Variants in TSPOAP1 observed in about 807,000 individuals in gnomAD.
TSPOAP1 encodes peripheral-type benzodiazepine receptor-associated protein 1.
In TSPOAP1, 87 loss-of-function variants were observed where a neutral mutation model predicts 197.0. That is an observed-to-expected ratio of 0.44 (90% confidence interval 0.37 to 0.53). The LOEUF is 0.53. TSPOAP1 is among the 20% of genes least tolerant of loss of function. The probability of loss-of-function intolerance (pLI) is 0.00; values close to 1 mark genes in which losing one functional copy is unlikely to be tolerated. For synonymous variants in TSPOAP1, 913 were observed against 998.9 expected, an observed-to-expected ratio of 0.91 and a Z score of 1.62; for missense variants, 2,174 against 2,411.3, an observed-to-expected ratio of 0.90 and a Z score of 2.06.
chr17:58,305,959 G>T, intron 26 of TSPOAP1, 94 bp from the exon 27 acceptor site: 1 of 1,467,896 alleles, frequency 6.8e-7, no homozygotes, highest in East Asian at 2.3e-5. Context: ...CACACACAAG[G>T]AGGCAGGCAA....
rs747579228 is a variant in TSPOAP1, at chr17:58,316,050, T to G, written c.2071A>C (p.Asn691His). 3.1e-6 allele frequency: 5 copies of G among 1,613,970 alleles called. No individual in the cohort carries two copies. The South Asian group carries it at 5.5e-5, about 18-fold the overall frequency. Residue 691 changes from asparagine (N) to histidine (H), a missense_variant, in exon 16 of 32, where the codon AAC becomes CAC. Asn to His is a moderately conservative substitution (Grantham distance 68). Coordinates refer to ENST00000343736, the MANE Select transcript of TSPOAP1 (RefSeq NM_004758.4). ...TCAAAAAAGCCATCCTCATCCATGTTGCCATAGATGTAGATGTACTCGCCA... is the reference window on the plus strand; with the variant it reads ...TCAAAAAAGCCATCCTCATCCATGTGGCCATAGATGTAGATGTACTCGCCA... ...TAGEYIYIYGNMDEDGFFEGE... is the reference protein window; with the variant it reads ...TAGEYIYIYGHMDEDGFFEGE...
intron 10 of TSPOAP1, among the ~76,000 whole-genome samples, chr17:58,321,175 A>G (rs762692627): frequency 9.2e-5 from 14 of 152,062 alleles, no homozygotes; most frequent in Non-Finnish European, 1.9e-4. Context: ...TACCTCTCAG[A>G]TCTGCTGCCC....
chr17:58,309,912 G>A lies in TSPOAP1; in HGVS notation c.3891+55C>T. ...TCAGAGCACCTGCTGACACACAGTG[G>A]GGAGGCCCCGGAGTTTGAGGCCTGG... On this transcript the variant is annotated intron_variant, in intron 21 of 31. Coordinates refer to ENST00000343736, the MANE Select transcript of TSPOAP1 (RefSeq NM_004758.4). This position sits in a 1 kb window ranked among gnomAD's most constrained non-coding sequence, Gnocchi z 5.0. The A allele has an allele frequency of 6.4e-7, 1 of 1,555,362 alleles. No individual in the cohort carries two copies. Among genetic ancestry groups the A allele is most frequent in the Non-Finnish European group, 8.7e-7 (1 of 1,149,276 alleles).
At chr17:58,315,853 C>T (rs576010598) in intron 16 of TSPOAP1, among the ~76,000 whole-genome samples, 170 bp downstream of exon 16, 2 of 151,560 alleles carry the variant, frequency 1.3e-5, no homozygotes, top group Non-Finnish European at 2.9e-5. Context: ...TTAGCTGAGA[C>T]CAAAAAGTTA....
chr17:58,327,547 A>AC (rs757651623), intron 1 of TSPOAP1, 41 bp downstream of exon 1: 40 of 1,572,198 alleles, frequency 2.5e-5, no homozygotes, highest in Non-Finnish European at 2.9e-5. Context: ...ATGGTGAGAG[A>AC]CCCCCACCTT....
chr17:58,318,505 G>A (rs532026909), intron 13 of TSPOAP1, 53 bp from the exon 14 acceptor site: 8 of 1,546,910 alleles, frequency 5.2e-6, no homozygotes, highest in Middle Eastern at 2.2e-4. Context: ...GGAGGGACCA[G>A]GAGATAGGGT....
At chr17:58,315,884 G>T (rs1598068790) in intron 16 of TSPOAP1, 139 bp downstream of exon 16, 2 of 740,792 alleles carry the variant, frequency 2.7e-6, no homozygotes, top group Admixed American at 2.1e-5. Context: ...AGCACGCTGG[G>T]CAGAGGGGAT....
In TSPOAP1 at chr17:58,310,802, C is replaced by T. The variant is rs369133114; in HGVS notation, c.3459+34G>A. The T allele has an allele frequency of 1.7e-4, 271 of 1,585,896 alleles. 1 individual carries two copies. The highest frequency in any genetic ancestry group is 8.1e-4 in the Admixed American group (47 of 58,370). ...ACCCAAGCCCAGGTCCCTCTGCCAG[C>T]CTGCACCTGCTCCCCTCTCCCCAGA... On this transcript the variant is annotated intron_variant, in intron 19 of 31. Transcript: ENST00000343736.
At position 58,312,610 on chromosome 17, in the gene TSPOAP1, G is replaced by A. The variant is rs374364127; in HGVS notation, c.2211C>T (p.Ser737=). The change falls in exon 17 of 32, where the codon AGC becomes AGT. Residue 737 remains serine, a synonymous_variant. Transcript: ENST00000343736. ...TCAGGAAACTGAGTTCAGGGCCTGAGCTGTGGGACAAATCGGCCAGCTCTG... is the reference window on the plus strand; with the variant it reads ...TCAGGAAACTGAGTTCAGGGCCTGAACTGTGGGACAAATCGGCCAGCTCTG... ...LPPELADLSH[S]SGPELSFLSV... 48 of 1,613,736 alleles carry A rather than the reference G, an allele frequency of 3.0e-5. No homozygotes were observed. In the Admixed American group the frequency reaches 3.8e-4, roughly 13 times the overall value.
At chr17:58,317,429 C>T (rs1018240863) in intron 14 of TSPOAP1, among the ~76,000 whole-genome samples, 1 of 152,208 alleles carries the variant, frequency 6.6e-6, no homozygotes, top group African/African-American at 2.4e-5. Context: ...CCCCAATTCT[C>T]TGACCCTTGT....
In TSPOAP1 at chr17:58,307,877, C is replaced by T. The variant is rs1970951257; in HGVS notation, c.4796G>A (p.Gly1599Asp). ...AGTGCTTGGCCTGAGGACTCGGACA[C>T]CTCTCTTCTGGGGGCCCCTCCGCCC... ...GSGRRGPQKR[G>D]VRVLRPSTAE... The change falls in exon 23 of 32, where the codon GGT (glycine) becomes GAT (aspartate). Residue 1599 changes from glycine (G) to aspartate (D), a missense_variant. Gly to Asp is a moderately conservative substitution (Grantham distance 94). Around this residue, in one of 5 missense-constraint regions of TSPOAP1, gnomAD observed 1,933 missense variants for 2,139.0 expected, o/e 0.90. Coordinates refer to ENST00000343736, the MANE Select transcript of TSPOAP1 (RefSeq NM_004758.4). 1 of 1,613,582 alleles carries T rather than the reference C, an allele frequency of 6.2e-7. No individual in the cohort carries two copies. The highest frequency in any genetic ancestry group is 1.3e-5 in the African/African-American group (1 of 74,944).
At chr17:58,302,672 G>A (rs1220866495) in intron 31 of TSPOAP1, 1 of 240,074 alleles carries the variant, frequency 4.2e-6, no homozygotes, top group Non-Finnish European at 8.2e-6. Flanking sequence ...CCCAGGGGAT[G>A]CAGTCTCGGT....
Position 58,307,019 on chromosome 17 carries a change from C to G in TSPOAP1, c.4984-51G>C. On this transcript the variant is annotated intron_variant, in intron 24 of 31. Transcript: ENST00000343736. Reference sequence around the variant, plus strand: ...CCAGTTCTGCTCACTCCCTATGCCCCTAGGCCCCGAACCCCAGCAACACCC... The same window carrying G: ...CCAGTTCTGCTCACTCCCTATGCCCGTAGGCCCCGAACCCCAGCAACACCC... 5 of 1,568,860 alleles carry G rather than the reference C, an allele frequency of 3.2e-6. No individual in the cohort carries two copies. In the Admixed American group the frequency reaches 6.9e-5, roughly 22 times the overall value.
chr17:58,322,443 G>GC lies in TSPOAP1; in HGVS notation c.1318-32dup. Reference sequence around the variant, plus strand: ...ACACAAGATCTGAGTCAAGGCCAGAGCCCCTACTTGGCCATTTCTAGAGAA... The same window carrying GC: ...ACACAAGATCTGAGTCAAGGCCAGAGCCCCCTACTTGGCCATTTCTAGAGAA... On this transcript the variant is annotated intron_variant, in intron 9 of 31. Transcript: ENST00000343736. The surrounding 1 kb of genome is among the most constrained non-coding windows in gnomAD (Gnocchi z 5.0). 6.3e-7 allele frequency: 1 copy of GC among 1,599,582 alleles called. No homozygotes were observed. The highest frequency in any genetic ancestry group is 8.5e-7 in the Non-Finnish European group (1 of 1,176,946).
rs1055544888 is a variant in TSPOAP1, at chr17:58,328,359, C to T, written c.-439G>A. ...GTGGTGCTGTGTGTCACTGTCTGCC[C>T]ATTTCAGAGTTGCCAGTTGTTTGTG... On this transcript the variant is annotated 5_prime_UTR_variant, in exon 1 of 32. The change abolishes an upstream ATG in the 5' untranslated region. Coordinates refer to ENST00000343736, the MANE Select transcript of TSPOAP1 (RefSeq NM_004758.4). This position sits in a 1 kb window ranked among gnomAD's most constrained non-coding sequence, Gnocchi z 4.3. 2.4e-5 allele frequency: 5 copies of T among 209,902 alleles called. No individual in the cohort carries two copies. The highest frequency in any genetic ancestry group is 4.9e-5 in the Non-Finnish European group (5 of 101,132). The allele number at this position is 209,902 out of a possible 1,614,324, so 13.0% of individuals were successfully genotyped here.
At chr17:58,325,135 A>T in intron 4 of TSPOAP1, 133 bp from the exon 5 acceptor site, 1 of 801,270 alleles carries the variant, frequency 1.2e-6, no homozygotes, top group Non-Finnish European at 1.9e-6. Flanking sequence ...TCCCATGGGT[A>T]CATGCCTGGT....
At chr17:58,321,847 A>C (rs72839994) in intron 10 of TSPOAP1, among the ~76,000 whole-genome samples, 2,949 of 152,286 alleles carry the variant, frequency 0.019, 39 homozygotes, top group Middle Eastern at 0.031. Flanking sequence ...ACAGAGCAAA[A>C]TACCCAAACT....
intron 14 of TSPOAP1, 79 bp downstream of exon 14, chr17:58,318,201 C>T (rs1347173402): frequency 1.3e-6 from 2 of 1,529,418 alleles, no homozygotes; most frequent in African/African-American, 1.4e-5. Flanking sequence ...CCTGGGGACC[C>T]CAGAAGAGGT....
chr17:58,319,234 C>G lies in TSPOAP1; in HGVS notation c.1555G>C (p.Ala519Pro). The change falls in exon 13 of 32, where the codon GCA (alanine) becomes CCA (proline). Residue 519 changes from alanine (A) to proline (P), a missense_variant. Physicochemically the swap from Ala to Pro is conservative, Grantham distance 27. Transcript: ENST00000343736. ...AGGCGGAAAGCCTGGAGTTCCTGTG[C>G]CAGGAGGCTGAACTGCTCGGTTTGG... ...RSQTEQFSLL[A>P]QELQAFRLHP... The G allele has an allele frequency of 6.3e-7, 1 of 1,599,028 alleles. No homozygotes were observed.
Sources: gnomAD v4.1 joint callset for allele counts (sites outside exome capture counted in the v4.1 genomes callset) on GRCh38, gnomAD v4.1.1 for gene constraint, gnomAD v4.1.1 regional missense constraint, Gnocchi (gnomAD v3.1) non-coding constraint, MANE v1.5 for transcripts, NCBI Gene and HGNC (gene_info 2026-07-23, HGNC 2026-07-21) for gene names.